Variants in IQGAP2 observed in about 807,000 individuals in gnomAD.
IQGAP2 encodes the protein ras GTPase-activating-like protein IQGAP2.
IQGAP2 carries 173 observed loss-of-function variants against 201.3 expected under a neutral mutation model. The observed-to-expected ratio is 0.86, with a 90% CI of 0.76 to 0.98. The LOEUF (loss-of-function observed/expected upper bound fraction) is 0.98. Ranked by LOEUF, IQGAP2 falls within the 50% of genes least tolerant of loss-of-function variation. The pLI, the probability that IQGAP2 is intolerant of heterozygous loss-of-function variation, is 0.00. For synonymous variants in IQGAP2, 675 were observed against 673.9 expected (o/e 1.00, Z -0.03); for missense variants, 1,687 against 1,864.8 (o/e 0.90, Z 1.76).
chr5:76,652,103 C>A lies in IQGAP2; in HGVS notation c.2095-647C>A, dbSNP rs575969055. ...AACTGTAACAGTTATGAATTTACTT[C>A]TTCTAAAGATACTAGTTTGTGTCCA... On this transcript the variant is annotated intron_variant, in intron 17 of 35. Coordinates refer to ENST00000274364, the MANE Select transcript of IQGAP2 (RefSeq NM_006633.5). Among the ~76,000 whole-genome samples the A allele has an allele frequency of 3.3e-5, 5 of 152,280 alleles. No individual in the cohort carries two copies. The East Asian group carries it at 5.8e-4, about 18-fold the overall frequency.
intron 17 of IQGAP2, among the ~76,000 whole-genome samples, chr5:76,650,966 T>C (rs1375869877): frequency 2.0e-5 from 3 of 152,222 alleles, no homozygotes; most frequent in Non-Finnish European, 2.9e-5. Context: ...GCTAGATATA[T>C]TGAAAATTAG....
chr5:76,597,543 C>G lies in IQGAP2; in HGVS notation c.1012C>G (p.Pro338Ala), dbSNP rs764629230. The G allele has an allele frequency of 1.2e-6, 2 of 1,613,850 alleles. No homozygotes were observed. The highest frequency in any genetic ancestry group is 2.7e-5 in the African/African-American group (2 of 74,868). Residue 338 changes from proline (P) to alanine (A), a missense_variant, in exon 10 of 36, where the codon CCC (proline) becomes GCC (alanine). By Grantham distance (27) the Pro-to-Ala change is conservative. Transcript: ENST00000274364. Reference sequence around the variant, plus strand: ...AGAGGCCCAGCTGCCTGCTGTTTATCCCTTTGCTGCTGCCATGTATCAGAA... The same window carrying G: ...AGAGGCCCAGCTGCCTGCTGTTTATGCCTTTGCTGCTGCCATGTATCAGAA... Reference protein sequence around the residue: ...KPEAQLPAVYPFAAAMYQNEL... With the variant: ...KPEAQLPAVYAFAAAMYQNEL...
chr5:76,632,115 G>T, intron 15 of IQGAP2, 89 bp downstream of exon 15: 1 of 1,040,700 alleles, frequency 9.6e-7, no homozygotes, highest in Non-Finnish European at 1.3e-6. Flanking sequence ...GACAAGTAAT[G>T]CTTTCAAATT....
chr5:76,590,607 A>T (rs749794411), intron 8 of IQGAP2, 21 bp downstream of exon 8: 1 of 1,572,442 alleles, frequency 6.4e-7, no homozygotes, highest in Non-Finnish European at 8.6e-7. Context: ...TCTGAGTAAT[A>T]AAAACAGTAA....
chr5:76,448,067 T>C (rs542504420), intron 1 of IQGAP2, among the ~76,000 whole-genome samples: 1 of 152,274 alleles, frequency 6.6e-6, no homozygotes, highest in African/African-American at 2.4e-5. Flanking sequence ...TCAGAAAGGC[T>C]GGTTTGCATC....
chr5:76,668,630 C>T (rs759734188), intron 22 of IQGAP2, 51 bp from the exon 23 acceptor site: 11 of 1,438,566 alleles, frequency 7.6e-6, no homozygotes, highest in South Asian at 4.9e-5. Context: ...AATATATTAA[C>T]TTATTGTTTT....
chr5:76,694,408 C>T (rs1182404161), intron 31 of IQGAP2, among the ~76,000 whole-genome samples: 1 of 152,126 alleles, frequency 6.6e-6, no homozygotes, highest in African/African-American at 2.4e-5. Context: ...TACTATTTTT[C>T]ATTTTCCCCT....
Position 76,665,074 on chromosome 5 carries a change from A to G in IQGAP2, c.2578A>G (p.Met860Val). The G allele has an allele frequency of 1.9e-6, 3 of 1,600,476 alleles. No individual in the cohort carries two copies. Among genetic ancestry groups the G allele is most frequent in the Non-Finnish European group, 1.7e-6 (2 of 1,167,714 alleles). Reference sequence around the variant, plus strand: ...GCTGAACAAGAAAAAAGGAGGAGAAATGGAAATACTGAATAACACCGACAA... The same window carrying G: ...GCTGAACAAGAAAAAAGGAGGAGAAGTGGAAATACTGAATAACACCGACAA... Reference protein sequence around the residue: ...KKLNKKKGGEMEILNNTDNQG... With the variant: ...KKLNKKKGGEVEILNNTDNQG... Residue 860 changes from methionine to valine, a missense_variant, in exon 22 of 36, where the codon ATG becomes GTG. Met to Val is a conservative substitution (Grantham distance 21). Coordinates refer to ENST00000274364, the MANE Select transcript of IQGAP2 (RefSeq NM_006633.5).
At chr5:76,696,266 C>A (rs1213677914) in intron 32 of IQGAP2, among the ~76,000 whole-genome samples, 1 of 152,176 alleles carries the variant, frequency 6.6e-6, no homozygotes, top group African/African-American at 2.4e-5. Flanking sequence ...TGTTAGTTGT[C>A]ATATAGCTCA....
chr5:76,579,673 TA>T (rs1561480276), intron 5 of IQGAP2, among the ~76,000 whole-genome samples: 1 of 152,150 alleles, frequency 6.6e-6, no homozygotes, highest in East Asian at 1.9e-4. Flanking sequence ...ATTTTTTTTT[TA>T]ATTAGTTGGG....
chr5:76,555,994 T>C (rs374487528), intron 2 of IQGAP2, among the ~76,000 whole-genome samples: 19 of 152,306 alleles, frequency 1.2e-4, no homozygotes, highest in African/African-American at 3.8e-4. Flanking sequence ...CTGGGGTATA[T>C]ACCCTGGGGT....
At chr5:76,506,259 T>C (rs948314956) in intron 2 of IQGAP2, among the ~76,000 whole-genome samples, 1 of 152,224 alleles carries the variant, frequency 6.6e-6, no homozygotes, top group African/African-American at 2.4e-5. Flanking sequence ...AGGACTGGGC[T>C]ATTTCCCCTC....
At position 76,496,769 on chromosome 5, in the gene IQGAP2, C is replaced by CTT. The variant is rs1184239848; in HGVS notation, c.146+35102_146+35103dup. Among the ~76,000 whole-genome samples, 474 of 72,914 alleles carry CTT rather than the reference C, an allele frequency of 6.5e-3. 18 individuals are homozygous for CTT. Among genetic ancestry groups the CTT allele is most frequent in the African/African-American group, 0.027 (441 of 16,190 alleles). 47.8% of individuals were successfully genotyped at this position (72,914 alleles called of 152,430 possible). A position where few individuals can be genotyped will look rare whatever the true frequency, so the allele number is the denominator to read the frequency against. On this transcript the variant is annotated intron_variant, in intron 2 of 35. Transcript: ENST00000274364. ...TCTTTCTTTCTTTCTTTCTTTCTTT[C>CTT]TTTCTTTCTTTCTTTCTTTCTTTCT...
chr5:76,448,084 G>C (rs952352213), intron 1 of IQGAP2, among the ~76,000 whole-genome samples: 21 of 152,316 alleles, frequency 1.4e-4, no homozygotes, highest in Non-Finnish European at 2.6e-4. Context: ...CATCTCCTAA[G>C]GGTAGCGTGG....
chr5:76,436,966 T>G (rs887172358), intron 1 of IQGAP2, among the ~76,000 whole-genome samples: 1 of 151,952 alleles, frequency 6.6e-6, no homozygotes, highest in African/African-American at 2.4e-5. Context: ...AAACATACAT[T>G]ATATGTTATG....
intron 15 of IQGAP2, 41 bp downstream of exon 15, chr5:76,632,067 A>C: frequency 6.8e-7 from 1 of 1,464,714 alleles, no homozygotes; most frequent in Non-Finnish European, 9.3e-7. Flanking sequence ...AAGTATTTTA[A>C]ATATCATTTC....
At chr5:76,419,578 T>C (rs1010501954) in intron 1 of IQGAP2, among the ~76,000 whole-genome samples, 2 of 152,008 alleles carry the variant, frequency 1.3e-5, no homozygotes, top group South Asian at 2.1e-4. Flanking sequence ...TCTCAAGTGA[T>C]CCCCCCACCT....
chr5:76,484,334 G>A (rs1755980176), intron 2 of IQGAP2, among the ~76,000 whole-genome samples: 1 of 152,148 alleles, frequency 6.6e-6, no homozygotes, highest in African/African-American at 2.4e-5. Flanking sequence ...TGCAGATGTG[G>A]GGGCGCAGGT....
intron 17 of IQGAP2, among the ~76,000 whole-genome samples, chr5:76,651,542 G>A (rs1017910295): frequency 1.3e-5 from 2 of 152,124 alleles, no homozygotes; most frequent in Non-Finnish European, 2.9e-5. Flanking sequence ...GGTGGAGGCT[G>A]CAGTGAGCCA....
Sources: gnomAD v4.1 joint callset for allele counts (sites outside exome capture counted in the v4.1 genomes callset) on GRCh38, gnomAD v4.1.1 for gene constraint, MANE v1.5 for transcripts, NCBI Gene and HGNC (gene_info 2026-07-23, HGNC 2026-07-21) for gene names.